The following MAP1B variants were observed in gnomAD, a reference collection of about 807,000 sequenced individuals.
MAP1B encodes microtubule-associated protein 1B.
In MAP1B, 12 loss-of-function variants were observed where a neutral mutation model predicts 176.1. The ratio of observed to expected loss-of-function variants is 0.07; its 90% CI spans 0.04 to 0.11. The LOEUF (loss-of-function observed/expected upper bound fraction) is 0.11, where lower values mean the gene tolerates loss of function less well. Ranked by LOEUF, MAP1B falls within the 10% of genes least tolerant of loss-of-function variation. MAP1B has a pLI of 1.00. For synonymous variants in MAP1B, 1,044 were observed against 1,135.0 expected (o/e 0.92, Z 1.61); for missense variants, 2,523 against 2,990.5 (o/e 0.84, Z 3.65).
chr5:72,161,730 G>A (rs1293751465), intron 2 of MAP1B, among the ~76,000 whole-genome samples: 1 of 152,114 alleles, frequency 6.6e-6, no homozygotes, highest in Non-Finnish European at 1.5e-5. Context: ...GCTGAGGCGG[G>A]CAGATCACTT....
intron 2 of MAP1B, among the ~76,000 whole-genome samples, chr5:72,121,528 G>C (rs1233643007): frequency 6.6e-6 from 1 of 152,212 alleles, no homozygotes; most frequent in African/African-American, 2.4e-5. Context: ...TTTGTGCTGA[G>C]TGATTGCTAA....
intron 2 of MAP1B, among the ~76,000 whole-genome samples, chr5:72,140,756 C>A (rs1405762471): frequency 3.9e-5 from 6 of 152,134 alleles, no homozygotes; most frequent in African/African-American, 7.2e-5. Context: ...CCTATTACAC[C>A]TATGCAGATG....
At chr5:72,129,656 C>T (rs1228972794) in intron 2 of MAP1B, among the ~76,000 whole-genome samples, 6 of 152,054 alleles carry the variant, frequency 3.9e-5, no homozygotes, top group African/African-American at 7.2e-5. Context: ...ATCCCTCACG[C>T]GTTTTCCCCT....
intron 2 of MAP1B, among the ~76,000 whole-genome samples, chr5:72,121,468 C>T (rs190892625): frequency 6.6e-6 from 1 of 152,204 alleles, no homozygotes; most frequent in Admixed American, 6.5e-5. Flanking sequence ...TTTTAAGAAC[C>T]GATGCCTTTT....
intron 1 of MAP1B, among the ~76,000 whole-genome samples, chr5:72,113,670 A>G (rs901648467): frequency 8.5e-5 from 13 of 152,232 alleles, no homozygotes; most frequent in Non-Finnish European, 1.6e-4. Context: ...ATTTAAATGC[A>G]TATGTCTCAT....
At position 72,195,507 on chromosome 5, in the gene MAP1B, A is replaced by C. The variant is rs980328645; in HGVS notation, c.2152A>C (p.Lys718Gln). Residue 718 changes from lysine (K) to glutamine (Q), a missense_variant, in exon 5 of 7, where the codon AAG becomes CAG. Lys to Gln is a moderately conservative substitution (Grantham distance 53, BLOSUM62 1). This residue lies in a region of MAP1B where 1,925 missense variants were observed against 2,126.0 expected (regional missense o/e 0.91). Coordinates refer to ENST00000296755, the MANE Select transcript of MAP1B (RefSeq NM_005909.5). ...EVKKEVKKEEKKEVKKEEKEP... is the reference protein window; with the variant it reads ...EVKKEVKKEEQKEVKKEEKEP... ...CAAGAAGGAAGTTAAGAAGGAAGAGAAGAAGGAAGTGAAAAAGGAAGAAAA... is the reference window on the plus strand; with the variant it reads ...CAAGAAGGAAGTTAAGAAGGAAGAGCAGAAGGAAGTGAAAAAGGAAGAAAA... 6.3e-7 allele frequency: 1 copy of C among 1,588,586 alleles called. No individual in the cohort carries two copies. The highest frequency in any genetic ancestry group is 1.9e-5 in the Admixed American group (1 of 52,620).
At chr5:72,134,221 A>G (rs1031425909) in intron 2 of MAP1B, among the ~76,000 whole-genome samples, 1 of 152,256 alleles carries the variant, frequency 6.6e-6, no homozygotes, top group Non-Finnish European at 1.5e-5. Flanking sequence ...TAAACTTTGT[A>G]TCAGAACATC....
intron 2 of MAP1B, among the ~76,000 whole-genome samples, chr5:72,143,736 G>A (rs1243693046): frequency 1.3e-5 from 2 of 152,154 alleles, no homozygotes; most frequent in Non-Finnish European, 2.9e-5. Flanking sequence ...CCTTCTGGGG[G>A]TACTGAGGGA....
intron 2 of MAP1B, among the ~76,000 whole-genome samples, chr5:72,169,121 G>A (rs1338536646): frequency 2.0e-5 from 3 of 152,138 alleles, no homozygotes; most frequent in South Asian, 2.1e-4. Context: ...AGACCTTGTC[G>A]TTGAATATAA....
Position 72,197,604 on chromosome 5 carries a change from G to C in MAP1B, c.4249G>C (p.Asp1417His). Reference sequence around the variant, plus strand: ...TGCTTATGAAAGTTTTCTAAGTGCTGATGACAAGGCTTCTGGCAGAGGTGC... The same window carrying C: ...TGCTTATGAAAGTTTTCTAAGTGCTCATGACAAGGCTTCTGGCAGAGGTGC... ...ESAYESFLSA[D>H]DKASGRGAES... is the part of the protein sequence containing the mutation. The change falls in exon 5 of 7, where the codon GAT (aspartate) becomes CAT (histidine). Residue 1417 changes from aspartate (D) to histidine (H), a missense_variant. Transcript: ENST00000296755. 6.2e-7 allele frequency: 1 copy of C among 1,614,182 alleles called. No individual in the cohort carries two copies.
intron 2 of MAP1B, among the ~76,000 whole-genome samples, chr5:72,157,016 A>G (rs1282899190): frequency 6.6e-6 from 1 of 152,202 alleles, no homozygotes; most frequent in Non-Finnish European, 1.5e-5. Flanking sequence ...TAATCCTTGT[A>G]GGTTTATTTG....
At chr5:72,107,736 AGAGACGCGCGCTGG>A (rs1346140945) in intron 1 of MAP1B, 21 bp downstream of exon 1, 3 of 1,596,584 alleles carry the variant, frequency 1.9e-6, no homozygotes, top group Non-Finnish European at 1.7e-6. Flanking sequence ...CCGCGCCCCC[AGAGACGCGCGCTGG>A]GAGACGCGCA....
chr5:72,182,713 C>T (rs1440131659), intron 2 of MAP1B, among the ~76,000 whole-genome samples: 1 of 152,202 alleles, frequency 6.6e-6, no homozygotes, highest in Non-Finnish European at 1.5e-5. Context: ...CTGCCTCTCT[C>T]AGATTCTTTT....
intron 1 of MAP1B, among the ~76,000 whole-genome samples, chr5:72,111,321 T>C (rs1171981142): frequency 1.3e-5 from 2 of 152,228 alleles, no homozygotes; most frequent in African/African-American, 4.8e-5. Flanking sequence ...TGTTTTCAAT[T>C]ACCGTTAGAT....
At chr5:72,111,709 A>G (rs1745345503) in intron 1 of MAP1B, among the ~76,000 whole-genome samples, 1 of 152,202 alleles carries the variant, frequency 6.6e-6, no homozygotes, top group Admixed American at 6.5e-5. Flanking sequence ...TCCATGCTGA[A>G]ACACAAGGCA....
intron 2 of MAP1B, among the ~76,000 whole-genome samples, chr5:72,121,018 C>T (rs1049109726): frequency 7.2e-5 from 11 of 152,218 alleles, no homozygotes; most frequent in African/African-American, 2.4e-5. Context: ...AGGGTGACAA[C>T]ATTCTATGGC....
chr5:72,192,725 T>C (rs1269454075), intron 4 of MAP1B, among the ~76,000 whole-genome samples: 1 of 152,196 alleles, frequency 6.6e-6, no homozygotes, highest in Non-Finnish European at 1.5e-5. Context: ...TACAGAGCCC[T>C]TTTCAGTCGA....
intron 2 of MAP1B, among the ~76,000 whole-genome samples, chr5:72,145,017 T>C (rs1359789945): frequency 6.6e-6 from 1 of 152,218 alleles, no homozygotes; most frequent in Non-Finnish European, 1.5e-5. Context: ...CTGTGAATTA[T>C]ACTCTGTTTT....
chr5:72,174,557 C>A (rs1234232614), intron 2 of MAP1B, among the ~76,000 whole-genome samples: 2 of 152,222 alleles, frequency 1.3e-5, no homozygotes, highest in African/African-American at 4.8e-5. Context: ...TGATTTCTTA[C>A]ACTGTATGAG....
Sources: allele counts gnomAD v4.1 joint callset (sites outside exome capture counted in the v4.1 genomes callset), GRCh38; gene constraint gnomAD v4.1.1; regional missense constraint gnomAD v4.1.1; transcripts MANE v1.5; gene names NCBI Gene and HGNC (gene_info 2026-07-23, HGNC 2026-07-21).